CWF19L2: variants seen among roughly 807,000 people sequenced by gnomAD.
The protein encoded by CWF19L2 is CWF19-like protein 2.
Under a neutral mutation model 111.7 loss-of-function variants are expected in CWF19L2, and 98 were observed. That is an observed-to-expected ratio of 0.88 (90% CI 0.75 to 1.04). CWF19L2 has a LOEUF of 1.04. Among genes scored for constraint, CWF19L2 ranks in the 50% least tolerant of loss-of-function variants. CWF19L2 has a pLI of 0.00. For missense variants in CWF19L2, 1,101 were observed against 1,051.4 expected, an observed-to-expected ratio of 1.05 and a Z score of -0.65; for synonymous variants, 351 against 342.9, an observed-to-expected ratio of 1.02 and a Z score of -0.26.
intron 12 of CWF19L2, among the ~76,000 whole-genome samples, chr11:107,362,543 G>A (rs1272338269): frequency 6.6e-6 from 1 of 151,850 alleles, no homozygotes; most frequent in East Asian, 1.9e-4. Flanking sequence ...CTAACTGGGA[G>A]GCACCCCCAG....
chr11:107,396,898 A>G (rs748392340), intron 10 of CWF19L2, among the ~76,000 whole-genome samples: 9 of 151,848 alleles, frequency 5.9e-5, no homozygotes, highest in Non-Finnish European at 8.8e-5. Context: ...ATACCCCCCA[A>G]CTGGAGAAGT....
rs573604779 is a variant in CWF19L2, at chr11:107,453,223, A to C, written c.339+1227T>G. Among the ~76,000 whole-genome samples the C allele has an allele frequency of 5.9e-5, 9 of 152,308 alleles. No individual in the cohort carries two copies. The East Asian group carries it at 7.7e-4, about 13-fold the overall frequency. On this transcript the variant is annotated intron_variant, in intron 3 of 17. Coordinates refer to ENST00000282251, the MANE Select transcript of CWF19L2 (RefSeq NM_152434.3). Reference sequence around the variant, plus strand: ...AGACATTACACAGTAGAATAGCTAAAAATTACTAAGACTGACAATACCAAG... The same window carrying C: ...AGACATTACACAGTAGAATAGCTAACAATTACTAAGACTGACAATACCAAG...
Position 107,337,367 on chromosome 11 carries a change from TTGTGTGTGTGTGTGTG to T in CWF19L2, c.2203-670_2203-655del, listed in dbSNP as rs5794537. On this transcript the variant is annotated intron_variant, in intron 14 of 17. Coordinates refer to ENST00000282251, the MANE Select transcript of CWF19L2 (RefSeq NM_152434.3). ...ATAATCAGTTGTGGAGGTGTGTGTT[TTGTGTGTGTGTGTGTG>T]TGTGTGTGTGTGTGTGTGTGTGTGT... Among the ~76,000 whole-genome samples, 229 of 148,098 alleles carry T rather than the reference TTGTGTGTGTGTGTGTG, an allele frequency of 1.5e-3. 1 individual carries two copies. The highest frequency in any genetic ancestry group is 6.6e-3 in the East Asian group (33 of 4,988).
intron 7 of CWF19L2, 115 bp from the exon 8 acceptor site, chr11:107,429,566 C>T: frequency 4.1e-6 from 3 of 736,176 alleles, no homozygotes; most frequent in Non-Finnish European, 6.5e-6. Flanking sequence ...AGCCCACTAA[C>T]GGGGTGAAAG....
At chr11:107,334,257 C>G (rs1859889784) in intron 16 of CWF19L2, among the ~76,000 whole-genome samples, 1 of 152,154 alleles carries the variant, frequency 6.6e-6, no homozygotes, top group African/African-American at 2.4e-5. Flanking sequence ...AATCTCTATT[C>G]CATTCCATTT....
intron 12 of CWF19L2, among the ~76,000 whole-genome samples, chr11:107,382,996 A>C (rs1019318681): frequency 6.6e-6 from 1 of 152,254 alleles, no homozygotes; most frequent in Admixed American, 6.5e-5. Context: ...AGGTTCCTGG[A>C]GGGTGGCACT....
intron 14 of CWF19L2, among the ~76,000 whole-genome samples, chr11:107,343,743 G>A (rs1216577125): frequency 6.6e-6 from 1 of 152,002 alleles, no homozygotes; most frequent in African/African-American, 2.4e-5. Flanking sequence ...AGTTTTTAAA[G>A]TGATTCTAAG....
intron 10 of CWF19L2, among the ~76,000 whole-genome samples, chr11:107,410,152 A>AGCGT (rs1861136348): frequency 6.6e-6 from 1 of 152,174 alleles, no homozygotes; most frequent in Non-Finnish European, 1.5e-5. Context: ...TCGCTGTTCA[A>AGCGT]GCGTTCTATG....
At chr11:107,411,639 G>A (rs1232216624) in intron 10 of CWF19L2, among the ~76,000 whole-genome samples, 3 of 152,036 alleles carry the variant, frequency 2.0e-5, no homozygotes, top group Non-Finnish European at 2.9e-5. Flanking sequence ...AGCATTTAAT[G>A]CTTAAGGAAG....
chr11:107,450,474 G>A (rs1229545313), intron 3 of CWF19L2, among the ~76,000 whole-genome samples: 1 of 151,944 alleles, frequency 6.6e-6, no homozygotes, highest in Non-Finnish European at 1.5e-5. Flanking sequence ...AGTCACTTGA[G>A]CCCCAGGGGT....
At chr11:107,420,010 C>T (rs887286173) in intron 8 of CWF19L2, among the ~76,000 whole-genome samples, 1 of 151,114 alleles carries the variant, frequency 6.6e-6, no homozygotes, top group Non-Finnish European at 1.5e-5. Flanking sequence ...TATAGTACAC[C>T]ATCAAAGACA....
chr11:107,386,624 C>T (rs1172528676), intron 12 of CWF19L2, among the ~76,000 whole-genome samples: 1 of 152,184 alleles, frequency 6.6e-6, no homozygotes, highest in Non-Finnish European at 1.5e-5. Context: ...TGAAACACCA[C>T]ACCCTTGGTT....
chr11:107,396,711 G>A (rs1860927426), intron 10 of CWF19L2, among the ~76,000 whole-genome samples: 1 of 152,140 alleles, frequency 6.6e-6, no homozygotes, highest in African/African-American at 2.4e-5. Context: ...GCAGCATGCA[G>A]GGGCTTGCAT....
chr11:107,398,563 G>A (rs867595103), intron 10 of CWF19L2, among the ~76,000 whole-genome samples: 14 of 152,026 alleles, frequency 9.2e-5, no homozygotes, highest in African/African-American at 2.9e-4. Context: ...AAGAATAATC[G>A]GTATACCTGA....
intron 10 of CWF19L2, among the ~76,000 whole-genome samples, chr11:107,406,000 A>T (rs1861072519): frequency 6.6e-6 from 1 of 152,194 alleles, no homozygotes; most frequent in Non-Finnish European, 1.5e-5. Context: ...AAAGGAAACA[A>T]CTAAGAACCA....
rs1310832363 is a variant in CWF19L2 at position 107,439,103 on chromosome 11, T to C, written c.651A>G (p.Ser217=). The C allele has an allele frequency of 6.6e-7, 1 of 1,517,112 alleles. No individual in the cohort carries two copies. The highest frequency in any genetic ancestry group is 1.1e-5 in the South Asian group (1 of 87,058). 94.0% of individuals were successfully genotyped at this position (1,517,112 alleles called of 1,614,324 possible). Residue 217 remains serine, a synonymous_variant, in exon 6 of 18, where the codon TCA becomes TCG. Coordinates refer to ENST00000282251, the MANE Select transcript of CWF19L2 (RefSeq NM_152434.3). ...ATGTAGAAATACCTTTAGTAATCGA[T>C]GACACACTACAGTCTTCAGGTGGAA... The part of the protein sequence containing the change: ...TGLPPEDCSV[S]SITKVSVVED...
intron 10 of CWF19L2, among the ~76,000 whole-genome samples, chr11:107,398,258 C>A (rs1206038320): frequency 6.6e-6 from 1 of 151,954 alleles, no homozygotes. Flanking sequence ...AAAGGCAAAG[C>A]CCAATGCAAG....
chr11:107,362,317 C>T (rs1331299233), intron 12 of CWF19L2, among the ~76,000 whole-genome samples: 2 of 151,862 alleles, frequency 1.3e-5, no homozygotes, highest in Non-Finnish European at 2.9e-5. Flanking sequence ...TGGGTGGAGC[C>T]CACCACAGCT....
intron 3 of CWF19L2, among the ~76,000 whole-genome samples, chr11:107,450,375 T>C (rs868275293): frequency 2.8e-4 from 42 of 151,984 alleles, no homozygotes; most frequent in African/African-American, 9.4e-4. Context: ...AATCCACAAA[T>C]ATCTGGAAAT....
Sources: gnomAD v4.1 joint callset for allele counts (sites outside exome capture counted in the v4.1 genomes callset) on GRCh38, gnomAD v4.1.1 for gene constraint, MANE v1.5 for transcripts, NCBI Gene and HGNC (gene_info 2026-07-23, HGNC 2026-07-21) for gene names.